The following CNTN4 variants were observed in gnomAD, a reference collection of about 807,000 sequenced individuals.
CNTN4 encodes the protein contactin 4, also known as contactin-4.
Under a neutral mutation model 122.5 loss-of-function variants are expected in CNTN4, and 77 were observed. The observed-to-expected ratio is 0.63, with a 90% CI of 0.52 to 0.76. The LOEUF (loss-of-function observed/expected upper bound fraction) is 0.76, where lower values mean the gene tolerates loss of function less well. Ranked by LOEUF, CNTN4 falls within the 30% of genes least tolerant of loss-of-function variation. CNTN4 has a pLI of 0.00. For synonymous variants in CNTN4, 512 were observed against 447.0 expected (o/e 1.15, Z -1.83); for missense variants, 1,256 against 1,259.1 (o/e 1.00, Z 0.04).
At chr3:2,794,554 C>T (rs965712738) in intron 6 of CNTN4, among the ~76,000 whole-genome samples, 9 of 152,112 alleles carry the variant, frequency 5.9e-5, no homozygotes, top group Non-Finnish European at 1.0e-4. Context: ...GTGAAAGTAT[C>T]GACTTGGGTT....
chr3:2,829,912 G>A (rs796090070), intron 7 of CNTN4, among the ~76,000 whole-genome samples: 2 of 152,124 alleles, frequency 1.3e-5, no homozygotes, highest in African/African-American at 4.8e-5. Flanking sequence ...TTTAGTTCTA[G>A]TAAGAGAGAT....
At chr3:2,489,255 T>G (rs898555683) in intron 3 of CNTN4, among the ~76,000 whole-genome samples, 2 of 152,166 alleles carry the variant, frequency 1.3e-5, no homozygotes, top group Middle Eastern at 3.2e-3. Context: ...ATCCTAGAAT[T>G]ATCATGTTAT....
At chr3:2,874,415 G>C (rs1334701131) in intron 8 of CNTN4, among the ~76,000 whole-genome samples, 1 of 152,196 alleles carries the variant, frequency 6.6e-6, no homozygotes, top group Non-Finnish European at 1.5e-5. Context: ...TGAAATGAAA[G>C]AGGGAAGCAG....
chr3:2,957,824 C>T (rs1044319774), intron 13 of CNTN4, among the ~76,000 whole-genome samples: 1 of 152,096 alleles, frequency 6.6e-6, no homozygotes, highest in Non-Finnish European at 1.5e-5. Context: ...TGCATTTTCT[C>T]TATCCAGTAC....
chr3:2,535,097 G>C (rs1315231376), intron 3 of CNTN4, among the ~76,000 whole-genome samples: 1 of 152,108 alleles, frequency 6.6e-6, no homozygotes, highest in Non-Finnish European at 1.5e-5. Flanking sequence ...ACTTTAAATA[G>C]GAATACCTGT....
chr3:2,708,603 A>T (rs2086887577), intron 4 of CNTN4, among the ~76,000 whole-genome samples: 1 of 152,198 alleles, frequency 6.6e-6, no homozygotes, highest in African/African-American at 2.4e-5. Context: ...CTGTGGCCTG[A>T]TGTCCCACAT....
chr3:2,279,781 C>CTA (rs1004412980), intron 2 of CNTN4, among the ~76,000 whole-genome samples: 4 of 150,900 alleles, frequency 2.7e-5, no homozygotes, highest in East Asian at 3.9e-4. Flanking sequence ...CTACATATAT[C>CTA]TATATATATA....
intron 2 of CNTN4, among the ~76,000 whole-genome samples, chr3:2,182,718 A>T (rs138472093): frequency 7.4e-4 from 113 of 152,180 alleles, no homozygotes; most frequent in African/African-American, 2.5e-3. Context: ...TAATCCAGTT[A>T]TTGGTATTAA....
chr3:2,107,273 C>T (rs1479938540), intron 2 of CNTN4, among the ~76,000 whole-genome samples: 20 of 152,130 alleles, frequency 1.3e-4, no homozygotes, highest in Admixed American at 1.3e-3. Context: ...TTAGTCTGTT[C>T]TCACATTGTT....
chr3:2,674,627 G>A (rs1250272112), intron 4 of CNTN4, among the ~76,000 whole-genome samples: 1 of 152,148 alleles, frequency 6.6e-6, no homozygotes, highest in African/African-American at 2.4e-5. Context: ...GTGTGGTGGT[G>A]CATGCCTGTA....
chr3:2,966,445 G>A (rs1053400926), intron 13 of CNTN4, among the ~76,000 whole-genome samples: 2 of 152,126 alleles, frequency 1.3e-5, no homozygotes, highest in Non-Finnish European at 2.9e-5. Context: ...AATTGAACTC[G>A]TGGAGACAGA....
rs79144530 is a variant in CNTN4 at position 2,433,138 on chromosome 3, A to G, written c.-89+93905A>G. On this transcript the variant is annotated intron_variant, in intron 3 of 24. Coordinates refer to ENST00000418658, the MANE Select transcript of CNTN4 (RefSeq NM_175607.3). Reference sequence around the variant, plus strand: ...TGCCCAGCAAAACACACTAATTTCAATTACTTTGGACATATACCCAGAAGT... The same window carrying G: ...TGCCCAGCAAAACACACTAATTTCAGTTACTTTGGACATATACCCAGAAGT... 3.5e-3 allele frequency among the ~76,000 whole-genome samples: 528 copies of G among 152,218 alleles called. 3 individuals are homozygous for G. The highest frequency in any genetic ancestry group is 0.011 in the African/African-American group (474 of 41,554).
chr3:2,455,512 A>G (rs1487568628), intron 3 of CNTN4, among the ~76,000 whole-genome samples: 1 of 151,856 alleles, frequency 6.6e-6, no homozygotes, highest in African/African-American at 2.4e-5. Context: ...TTGCTTCTAT[A>G]CTTTACTTCC....
intron 3 of CNTN4, among the ~76,000 whole-genome samples, chr3:2,402,023 G>C (rs2046876750): frequency 6.6e-6 from 1 of 152,078 alleles, no homozygotes; most frequent in Admixed American, 6.6e-5. Context: ...AACAGAATCT[G>C]ACAAAGATGA....
At chr3:3,000,574 C>G (rs1165650551) in intron 14 of CNTN4, among the ~76,000 whole-genome samples, 1 of 152,228 alleles carries the variant, frequency 6.6e-6, no homozygotes, top group Non-Finnish European at 1.5e-5. Flanking sequence ...GTATGACATT[C>G]ATTTCCAGAC....
At position 2,879,726 on chromosome 3, in the gene CNTN4, G is replaced by C. The variant is rs1395856483; in HGVS notation, c.653-3419G>C. On this transcript the variant is annotated intron_variant, in intron 8 of 24. Transcript: ENST00000418658. Reference sequence around the variant, plus strand: ...GGATTCATTGTGAATGGGCATGAGGGATCTTACTGGGGTAATGGAAATGTT... The same window carrying C: ...GGATTCATTGTGAATGGGCATGAGGCATCTTACTGGGGTAATGGAAATGTT... Among the ~76,000 whole-genome samples the C allele has an allele frequency of 3.3e-5, 5 of 152,262 alleles. No homozygotes were observed. In the East Asian group the frequency reaches 9.7e-4, roughly 29 times the overall value.
At chr3:2,959,848 A>G (rs1026564633) in intron 13 of CNTN4, among the ~76,000 whole-genome samples, 5 of 152,190 alleles carry the variant, frequency 3.3e-5, no homozygotes, top group African/African-American at 1.2e-4. Context: ...AAAATGTTAA[A>G]ACCAGCTTAA....
intron 4 of CNTN4, among the ~76,000 whole-genome samples, chr3:2,668,905 A>T (rs2084332280): frequency 6.6e-6 from 1 of 152,090 alleles, no homozygotes; most frequent in Non-Finnish European, 1.5e-5. Context: ...ATTGATTTGC[A>T]TATGTTGAAC....
At chr3:2,619,071 T>G (rs2081893018) in intron 4 of CNTN4, among the ~76,000 whole-genome samples, 1 of 152,210 alleles carries the variant, frequency 6.6e-6, no homozygotes, top group Non-Finnish European at 1.5e-5. Flanking sequence ...GCCTGAGAGT[T>G]TCTGTTTACT....
Sources: allele counts gnomAD v4.1 joint callset (sites outside exome capture counted in the v4.1 genomes callset), GRCh38; gene constraint gnomAD v4.1.1; transcripts MANE v1.5; gene names NCBI Gene and HGNC (gene_info 2026-07-23, HGNC 2026-07-21).